The following FUT2 variants were observed in gnomAD, a reference collection of about 807,000 sequenced individuals.
FUT2 encodes the protein fucosyltransferase 2 (H blood group).
For missense variants in FUT2, 419 were observed against 465.8 expected (o/e 0.90, Z 0.93); for synonymous variants, 182 against 193.1 (o/e 0.94, Z 0.48).
In FUT2 at chr19:48,704,771, A is replaced by C; in HGVS notation, c.*783A>C. On this transcript the variant is annotated 3_prime_UTR_variant, in exon 2 of 2. Transcript: ENST00000425340. ...TTTCCCCCCAACTCCGATGGGTAGG[A>C]ATTGTCACATACCCATGTGACCCGA... The C allele has an allele frequency of 2.4e-6, 1 of 413,498 alleles. No homozygotes were observed. The highest frequency in any genetic ancestry group is 4.4e-6 in the Non-Finnish European group (1 of 226,240). The allele number at this position is 413,498 out of a possible 1,614,324, so 25.6% of individuals were successfully genotyped here.
chr19:48,701,137 A>C (rs73942308), intron 1 of FUT2, among the ~76,000 whole-genome samples: 1 of 151,438 alleles, frequency 6.6e-6, no homozygotes, highest in African/African-American at 2.4e-5. Flanking sequence ...AGAGCTCACT[A>C]TTTTCTTTTC....
rs2032598685 is a variant in FUT2, at chr19:48,704,442, GAA to G, written c.*457_*458del. 9.5e-6 allele frequency: 1 copy of G among 104,948 alleles called. No individual in the cohort carries two copies. Among genetic ancestry groups the G allele is most frequent in the Non-Finnish European group, 2.6e-5 (1 of 37,870 alleles). 6.5% of individuals were successfully genotyped at this position (104,948 alleles called of 1,614,324 possible). ...ATCTCAAAAAAAAAAAAAAAAAAAA[GAA>G]AAGAAAAAGAAATGAATGGGTTCAA... On this transcript the variant is annotated 3_prime_UTR_variant, in exon 2 of 2. Coordinates refer to ENST00000425340, the MANE Select transcript of FUT2 (RefSeq NM_000511.6).
rs765205410 is a variant in FUT2, at chr19:48,703,614, C to T, written c.658C>T (p.Arg220Trp). ...AGTGTGGAAGGGGGTGGTGGCCGACCGGCGATACCTACAGCAGGCCCTGGA... is the reference window on the plus strand; with the variant it reads ...AGTGTGGAAGGGGGTGGTGGCCGACTGGCGATACCTACAGCAGGCCCTGGA... ...PKVWKGVVADRRYLQQALDWF... is the reference protein window; with the variant it reads ...PKVWKGVVADWRYLQQALDWF... Residue 220 changes from arginine to tryptophan, a missense_variant, in exon 2 of 2, where the codon CGG (arginine) becomes TGG (tryptophan). Transcript: ENST00000425340. 13 of 1,613,126 alleles carry T rather than the reference C, an allele frequency of 8.1e-6. No individual in the cohort carries two copies. The highest frequency in any genetic ancestry group is 1.6e-4 in the Middle Eastern group (1 of 6,084).
At chr19:48,696,812 G>C (rs2032420077) in intron 1 of FUT2, among the ~76,000 whole-genome samples, 1 of 152,112 alleles carries the variant, frequency 6.6e-6, no homozygotes, top group African/African-American at 2.4e-5. Context: ...GGGGCGGTTG[G>C]GGTAGAGAAA....
chr19:48,702,872 T>G (rs1254365572), intron 1 of FUT2, 83 bp from the exon 2 acceptor site: 3 of 1,304,246 alleles, frequency 2.3e-6, no homozygotes, highest in Admixed American at 3.4e-5. Flanking sequence ...ACACTATGCC[T>G]GCACACCACC....
chr19:48,701,142 C>A (rs925600174), intron 1 of FUT2, among the ~76,000 whole-genome samples: 5 of 151,768 alleles, frequency 3.3e-5, no homozygotes, highest in African/African-American at 1.2e-4. Flanking sequence ...TCACTATTTT[C>A]TTTTCTTTTC....
At position 48,704,186 on chromosome 19, in the gene FUT2, C is replaced by G; in HGVS notation, c.*198C>G. 1 of 643,408 alleles carries G rather than the reference C, an allele frequency of 1.6e-6. No homozygotes were observed. Among genetic ancestry groups the G allele is most frequent in the Admixed American group, 2.3e-5 (1 of 44,270 alleles). 39.9% of individuals were successfully genotyped at this position (643,408 alleles called of 1,614,324 possible). A position where few individuals can be genotyped will look rare whatever the true frequency, so the allele number is the denominator to read the frequency against. On this transcript the variant is annotated 3_prime_UTR_variant, in exon 2 of 2. Coordinates refer to ENST00000425340, the MANE Select transcript of FUT2 (RefSeq NM_000511.6). ...CCTGTAATGCTCGCACTTTGTGAGGCCAGGGTGGGTGGATCACTTGAGGTC... is the reference window on the plus strand; with the variant it reads ...CCTGTAATGCTCGCACTTTGTGAGGGCAGGGTGGGTGGATCACTTGAGGTC...
Position 48,703,577 on chromosome 19 carries a change from T to C in FUT2, c.621T>C (p.His207=), listed in dbSNP as rs771608009. 3.8e-5 allele frequency: 61 copies of C among 1,613,308 alleles called. No individual in the cohort carries two copies. Among genetic ancestry groups the C allele is most frequent in the Non-Finnish European group, 4.7e-5 (56 of 1,180,014 alleles). ...ATGTTCGCCGAGGGGACTATGTCCA[T>C]GTCATGCCAAAAGTGTGGAAGGGGG... ...GVHVRRGDYV[H]VMPKVWKGVV... The change falls in exon 2 of 2, where the codon CAT becomes CAC. Residue 207 remains histidine, a synonymous_variant. Transcript: ENST00000425340.
rs749467990 is a variant in FUT2 at position 48,702,965 on chromosome 19, C to T, written c.9C>T (p.Val3=). The change falls in exon 2 of 2, where the codon GTC becomes GTT. Residue 3 remains valine, a synonymous_variant. Coordinates refer to ENST00000425340, the MANE Select transcript of FUT2 (RefSeq NM_000511.6). ML[V]VQMPFSFPMA... ...TTCCTCCCCTGACAGCCATGCTGGT[C>T]GTTCAGATGCCTTTCTCCTTTCCCA... 1.4e-5 allele frequency: 22 copies of T among 1,613,000 alleles called. No homozygotes were observed. Among genetic ancestry groups the T allele is most frequent in the Admixed American group, 8.3e-5 (5 of 59,992 alleles).
Position 48,703,292 on chromosome 19 carries a change from G to A in FUT2, c.336G>A (p.Pro112=), listed in dbSNP as rs200868443. 7.3e-5 allele frequency: 118 copies of A among 1,612,888 alleles called. 4 individuals carry two copies. The South Asian group carries it at 9.2e-4, about 13-fold the overall frequency. Residue 112 remains proline (P), a synonymous_variant, in exon 2 of 2, where the codon CCG becomes CCA. Transcript: ENST00000425340. ...TLAPIFRITL[P]VLHSATASRI... Reference sequence around the variant, plus strand: ...CCCCCATCTTCAGAATCACCCTGCCGGTGCTGCACAGCGCCACGGCCAGCA... The same window carrying A: ...CCCCCATCTTCAGAATCACCCTGCCAGTGCTGCACAGCGCCACGGCCAGCA...
chr19:48,699,418 G>A (rs934836014), intron 1 of FUT2, among the ~76,000 whole-genome samples: 5 of 151,992 alleles, frequency 3.3e-5, no homozygotes, highest in Non-Finnish European at 7.4e-5. Flanking sequence ...GACTGGTCTC[G>A]AACTGCTGAC....
Sources: gnomAD v4.1 joint callset for allele counts (sites outside exome capture counted in the v4.1 genomes callset) on GRCh38, gnomAD v4.1.1 for gene constraint, MANE v1.5 for transcripts, NCBI Gene and HGNC (gene_info 2026-07-23, HGNC 2026-07-21) for gene names.